ASIC2: variants seen among roughly 807,000 people sequenced by gnomAD.
The protein encoded by ASIC2 is acid sensing ion channel subunit 2, also known as acid-sensing ion channel 2.
ASIC2 carries 25 observed loss-of-function variants against 57.3 expected under a neutral mutation model. The observed-to-expected ratio is 0.44, with a 90% CI of 0.32 to 0.61. ASIC2 has a LOEUF of 0.61. ASIC2 is among the 20% of genes least tolerant of loss of function. The pLI, the probability that ASIC2 is intolerant of heterozygous loss-of-function variation, is 0.06. For synonymous variants in ASIC2, 319 were observed against 307.5 expected (o/e 1.04, Z -0.39); for missense variants, 641 against 738.1 (o/e 0.87, Z 1.52).
chr17:33,196,567 C>T (rs1233508216), intron 1 of ASIC2, among the ~76,000 whole-genome samples: 1 of 152,190 alleles, frequency 6.6e-6, no homozygotes, highest in Non-Finnish European at 1.5e-5. Flanking sequence ...TTGTCCGAGG[C>T]ATGAAGCTCC....
chr17:33,799,447 T>TTTCTTTC (rs1567719159), intron 1 of ASIC2, among the ~76,000 whole-genome samples: 24 of 88,024 alleles, frequency 2.7e-4, no homozygotes, highest in Non-Finnish European at 3.8e-4. Flanking sequence ...TCTTTCTTTC[T>TTTCTTTC]TTCTTTCTTT....
intron 6 of ASIC2, among the ~76,000 whole-genome samples, chr17:33,021,980 C>T (rs2141897337): frequency 6.6e-6 from 1 of 152,312 alleles, no homozygotes; most frequent in Non-Finnish European, 1.5e-5. Context: ...CTGGCATCCC[C>T]TACAATTCCT....
At chr17:34,085,851 G>A (rs1421960988) in intron 1 of ASIC2, among the ~76,000 whole-genome samples, 1 of 151,726 alleles carries the variant, frequency 6.6e-6, no homozygotes, top group African/African-American at 2.4e-5. Flanking sequence ...ATTCTCTGAT[G>A]GTAGTTTGTA....
At chr17:33,174,251 G>A (rs1476781625) in intron 1 of ASIC2, among the ~76,000 whole-genome samples, 4 of 152,002 alleles carry the variant, frequency 2.6e-5, no homozygotes, top group Admixed American at 1.3e-4. Flanking sequence ...GTAAAACCCT[G>A]TCTCTACTAA....
At chr17:33,191,798 CA>C (rs1357378818) in intron 1 of ASIC2, among the ~76,000 whole-genome samples, 2 of 152,146 alleles carry the variant, frequency 1.3e-5, no homozygotes, top group Non-Finnish European at 2.9e-5. Context: ...ACAGACTTCA[CA>C]AAGCTCCCTC....
chr17:33,207,734 G>A (rs1368052579), intron 1 of ASIC2, among the ~76,000 whole-genome samples: 3 of 152,176 alleles, frequency 2.0e-5, no homozygotes, highest in African/African-American at 7.2e-5. Flanking sequence ...AGAGCCAAGA[G>A]CACTTGTTGG....
chr17:33,686,122 G>C (rs926049711), intron 1 of ASIC2, among the ~76,000 whole-genome samples: 1 of 152,142 alleles, frequency 6.6e-6, no homozygotes, highest in Non-Finnish European at 1.5e-5. Flanking sequence ...GGCTGGAGTG[G>C]GTTTCTGAGT....
intron 1 of ASIC2, among the ~76,000 whole-genome samples, chr17:33,678,190 G>A (rs1453657294): frequency 1.3e-5 from 2 of 152,078 alleles, no homozygotes; most frequent in African/African-American, 4.8e-5. Context: ...TTTTAATTAA[G>A]GGCTGACTTT....
intron 1 of ASIC2, among the ~76,000 whole-genome samples, chr17:33,596,528 C>G (rs141383321): frequency 4.6e-5 from 7 of 152,246 alleles, no homozygotes; most frequent in South Asian, 2.1e-4. Flanking sequence ...CTTTTTCTAC[C>G]TTCCCAGTTT....
chr17:33,550,115 G>A (rs1915702079), intron 1 of ASIC2, among the ~76,000 whole-genome samples: 2 of 133,150 alleles, frequency 1.5e-5, no homozygotes, highest in Non-Finnish European at 3.1e-5. Context: ...CCCTCCATGA[G>A]GTCCAGTCCA....
intron 1 of ASIC2, among the ~76,000 whole-genome samples, chr17:34,027,153 C>T (rs1907405648): frequency 6.6e-6 from 1 of 152,138 alleles, no homozygotes; most frequent in African/African-American, 2.4e-5. Context: ...TAGTTCAATA[C>T]CCCAAAAAAG....
At chr17:33,085,875 AATGAG>A (rs2092132256) in intron 3 of ASIC2, among the ~76,000 whole-genome samples, 1 of 152,202 alleles carries the variant, frequency 6.6e-6, no homozygotes, top group South Asian at 2.1e-4. Context: ...GAAATGATGA[AATGAG>A]ATGATGCGGA....
chr17:33,905,626 T>C (rs1269147008), intron 1 of ASIC2, among the ~76,000 whole-genome samples: 3 of 152,282 alleles, frequency 2.0e-5, no homozygotes, highest in East Asian at 3.9e-4. Flanking sequence ...AACCTGTAGA[T>C]AGAGAATTCA....
At chr17:34,146,364 A>T (rs1195009647) in intron 1 of ASIC2, among the ~76,000 whole-genome samples, 1 of 152,206 alleles carries the variant, frequency 6.6e-6, no homozygotes, top group Non-Finnish European at 1.5e-5. Flanking sequence ...AGCTAAAACT[A>T]ATCAATACAC....
intron 1 of ASIC2, among the ~76,000 whole-genome samples, chr17:34,106,367 A>C (rs932100901): frequency 6.6e-6 from 1 of 152,078 alleles, no homozygotes; most frequent in Non-Finnish European, 1.5e-5. Context: ...CCCTAGATTC[A>C]GTATCCATTG....
chr17:34,075,232 G>A (rs779408072), intron 1 of ASIC2, among the ~76,000 whole-genome samples: 1 of 152,168 alleles, frequency 6.6e-6, no homozygotes, highest in Non-Finnish European at 1.5e-5. Context: ...TTGAAACTCA[G>A]GTGGCCTGTG....
intron 1 of ASIC2, among the ~76,000 whole-genome samples, chr17:33,161,643 C>A (rs1905162353): frequency 6.6e-6 from 1 of 152,088 alleles, no homozygotes; most frequent in Non-Finnish European, 1.5e-5. Flanking sequence ...GCTTTGTTCA[C>A]AAAAATATAC....
At chr17:33,172,805 G>T (rs1260083106) in intron 1 of ASIC2, among the ~76,000 whole-genome samples, 1 of 152,204 alleles carries the variant, frequency 6.6e-6, no homozygotes, top group African/African-American at 2.4e-5. Flanking sequence ...GCTTACTCTG[G>T]TCCTCCTGAA....
chr17:33,353,038 C>T (rs931340374), intron 1 of ASIC2, among the ~76,000 whole-genome samples: 14 of 152,180 alleles, frequency 9.2e-5, no homozygotes, highest in African/African-American at 2.2e-4. Flanking sequence ...ATTCTGAGCT[C>T]CTTAAGCGTC....
Sources: allele counts gnomAD v4.1 joint callset (sites outside exome capture counted in the v4.1 genomes callset), GRCh38; gene constraint gnomAD v4.1.1; transcripts MANE v1.5; gene names NCBI Gene and HGNC (gene_info 2026-07-23, HGNC 2026-07-21).